Variants in CACNA1C observed in about 807,000 individuals in gnomAD.
CACNA1C encodes calcium voltage-gated channel subunit alpha1 C.
Under a neutral mutation model 229.0 loss-of-function variants are expected in CACNA1C, and 30 were observed. That is an observed-to-expected ratio of 0.13 (90% CI 0.10 to 0.18). The LOEUF (loss-of-function observed/expected upper bound fraction) is 0.18, where lower values mean the gene tolerates loss of function less well. Among genes scored for constraint, CACNA1C ranks in the 10% least tolerant of loss-of-function variants. The pLI is 1.00. For synonymous variants in CACNA1C, 1,114 were observed against 1,132.5 expected (o/e 0.98, Z 0.33); for missense variants, 1,658 against 2,845.0 (o/e 0.58, Z 9.49).
chr12:2,274,059 C>T (rs943531201), intron 3 of CACNA1C, among the ~76,000 whole-genome samples: 7 of 152,192 alleles, frequency 4.6e-5, no homozygotes, highest in African/African-American at 1.7e-4. Context: ...AAAGGTGGCC[C>T]TGGGTCGAAG....
intron 3 of CACNA1C, among the ~76,000 whole-genome samples, chr12:2,171,016 C>T (rs562407344): frequency 1.4e-4 from 21 of 152,312 alleles, no homozygotes; most frequent in Middle Eastern, 3.4e-3. Context: ...GGAGAGATGG[C>T]CTCAGAGCCT....
At chr12:2,535,704 T>TAAAAAAAAAAAAAA (rs758857733) in intron 9 of CACNA1C, among the ~76,000 whole-genome samples, 7 of 36,562 alleles carry the variant, frequency 1.9e-4, no homozygotes, top group East Asian at 2.7e-3. Context: ...AGACCCTGTC[T>TAAAAAAAAAAAAAA]AAAAAAAAAA....
chr12:2,091,328 G>T (rs1041591146), intron 1 of CACNA1C, among the ~76,000 whole-genome samples: 5 of 152,166 alleles, frequency 3.3e-5, no homozygotes, highest in Admixed American at 1.3e-4. Flanking sequence ...ATTTCTTCTT[G>T]CTTCAGTATT....
intron 7 of CACNA1C, among the ~76,000 whole-genome samples, chr12:2,499,546 T>C (rs1228072389): frequency 6.6e-6 from 1 of 152,066 alleles, no homozygotes; most frequent in Non-Finnish European, 1.5e-5. Context: ...AAATCTGGGG[T>C]TCCCTTCAAG....
At chr12:2,690,595 A>G (rs957100409) in intron 46 of CACNA1C, among the ~76,000 whole-genome samples, 2 of 152,320 alleles carry the variant, frequency 1.3e-5, no homozygotes, top group Non-Finnish European at 1.5e-5. Context: ...GGGCTTCCCA[A>G]AGTGCTGGGT....
chr12:2,172,977 G>T (rs1249552623), intron 3 of CACNA1C, among the ~76,000 whole-genome samples: 1 of 152,208 alleles, frequency 6.6e-6, no homozygotes, highest in Non-Finnish European at 1.5e-5. Flanking sequence ...AGTTCTGAAT[G>T]GCAGGGACGT....
intron 3 of CACNA1C, among the ~76,000 whole-genome samples, chr12:2,411,326 GC>G (rs1404743034): frequency 6.6e-6 from 1 of 152,170 alleles, no homozygotes; most frequent in Non-Finnish European, 1.5e-5. Flanking sequence ...CAGAGTCAGA[GC>G]CCTAGGACCT....
Position 2,697,202 on chromosome 12 carries a change from C to G in CACNA1C, c.*6003C>G, listed in dbSNP as rs949378607. 1 of 152,518 alleles carries G rather than the reference C, an allele frequency of 6.6e-6. No homozygotes were observed. The highest frequency in any genetic ancestry group is 1.5e-5 in the Non-Finnish European group (1 of 68,308). 9.4% of individuals were successfully genotyped at this position (152,518 alleles called of 1,614,324 possible). On this transcript the variant is annotated 3_prime_UTR_variant, in exon 47 of 47. Transcript: ENST00000399655. The stretch of plus-strand genomic sequence containing the variant: ...CTGAAATCCATCTCTTGAATCCCAG[C>G]CAGGTTATATACCACCCCATTGCCA...
At chr12:2,274,670 C>A (rs527401889) in intron 3 of CACNA1C, among the ~76,000 whole-genome samples, 1 of 152,318 alleles carries the variant, frequency 6.6e-6, no homozygotes, top group East Asian at 1.9e-4. Context: ...CTGGAACTCA[C>A]GTAGTTTGCC....
rs559957781 is a variant in CACNA1C at position 2,167,003 on chromosome 12, A to T, written c.477+46573A>T. Among the ~76,000 whole-genome samples the T allele has an allele frequency of 1.4e-4, 21 of 152,336 alleles. No homozygotes were observed. The South Asian group carries it at 4.3e-3, about 32-fold the overall frequency. ...AATGTGAGCAAGGTAGAAAAGGGCGACCCATGAGTCAACAATACTCAAGCT... is the reference window on the plus strand; with the variant it reads ...AATGTGAGCAAGGTAGAAAAGGGCGTCCCATGAGTCAACAATACTCAAGCT... On this transcript the variant is annotated intron_variant, in intron 3 of 46. Transcript: ENST00000399655.
At chr12:2,293,745 T>G (rs1246455750) in intron 3 of CACNA1C, among the ~76,000 whole-genome samples, 1 of 152,230 alleles carries the variant, frequency 6.6e-6, no homozygotes, top group East Asian at 1.9e-4. Context: ...TTTTCATATG[T>G]ATGTACTTCA....
chr12:2,563,179 G>T (rs898154556), intron 11 of CACNA1C, among the ~76,000 whole-genome samples: 1 of 152,158 alleles, frequency 6.6e-6, no homozygotes, highest in Admixed American at 6.5e-5. Flanking sequence ...ATGGCCTCCA[G>T]TTCCATCCAT....
At chr12:2,447,475 G>A (rs1289436434) in intron 3 of CACNA1C, among the ~76,000 whole-genome samples, 3 of 152,148 alleles carry the variant, frequency 2.0e-5, no homozygotes, top group Non-Finnish European at 2.9e-5. Context: ...AATTGTCTAC[G>A]ATGCACATTT....
intron 1 of CACNA1C, among the ~76,000 whole-genome samples, chr12:2,082,250 C>T (rs976787431): frequency 6.6e-6 from 1 of 152,190 alleles, no homozygotes; most frequent in Non-Finnish European, 1.5e-5. Flanking sequence ...GTGTCTGCCC[C>T]TCACTGTTTC....
chr12:2,665,820 C>A lies in CACNA1C; in HGVS notation c.4526+112C>A. The A allele has an allele frequency of 9.3e-7, 1 of 1,078,926 alleles. No individual in the cohort carries two copies. The highest frequency in any genetic ancestry group is 1.3e-6 in the Non-Finnish European group (1 of 765,066). 66.8% of individuals were successfully genotyped at this position (1,078,926 alleles called of 1,614,324 possible). A position where few individuals can be genotyped will look rare whatever the true frequency, so the allele number is the denominator to read the frequency against. The stretch of plus-strand genomic sequence containing the variant: ...ACACTGGGTGGATCAATTAGAAACA[C>A]TGGATTGTATCACACCCTAGGGTGA... On this transcript the variant is annotated intron_variant, in intron 36 of 46. Coordinates refer to ENST00000399655, the MANE Select transcript of CACNA1C (RefSeq NM_000719.7). The surrounding 1 kb of genome is among the most constrained non-coding windows in gnomAD (Gnocchi z 5.9).
In CACNA1C at chr12:2,658,644, C is replaced by T. The variant is rs887620680; in HGVS notation, c.4232+3406C>T. On this transcript the variant is annotated intron_variant, in intron 34 of 46. Coordinates refer to ENST00000399655, the MANE Select transcript of CACNA1C (RefSeq NM_000719.7). Reference sequence around the variant, plus strand: ...TCTACTTATTTTTTTTTAAGTTAACCGTAAAACAGCCTTAGGCAGGTCCTG... The same window carrying T: ...TCTACTTATTTTTTTTTAAGTTAACTGTAAAACAGCCTTAGGCAGGTCCTG... Among the ~76,000 whole-genome samples the T allele has an allele frequency of 3.3e-5, 5 of 151,674 alleles. No individual in the cohort carries two copies. In the East Asian group the frequency reaches 9.7e-4, roughly 29 times the overall value.
chr12:2,385,205 A>G (rs2098351507), intron 3 of CACNA1C, among the ~76,000 whole-genome samples: 1 of 152,178 alleles, frequency 6.6e-6, no homozygotes, highest in South Asian at 2.1e-4. Flanking sequence ...CAGAGTCTCC[A>G]TGCTGGAAGA....
chr12:2,173,352 G>A (rs188848484), intron 3 of CACNA1C, among the ~76,000 whole-genome samples: 119 of 152,294 alleles, frequency 7.8e-4, no homozygotes, highest in African/African-American at 2.8e-3. Context: ...TATTCAACGG[G>A]TATTAATTGG....
chr12:2,671,097 C>T (rs1369404659), intron 38 of CACNA1C, among the ~76,000 whole-genome samples: 2 of 151,766 alleles, frequency 1.3e-5, no homozygotes, highest in African/African-American at 4.8e-5. Flanking sequence ...CTGCTGCAAC[C>T]TCTGACTCCC....
Sources: allele counts gnomAD v4.1 joint callset (sites outside exome capture counted in the v4.1 genomes callset), GRCh38; gene constraint gnomAD v4.1.1; non-coding constraint Gnocchi (gnomAD v3.1); transcripts MANE v1.5; gene names NCBI Gene and HGNC (gene_info 2026-07-23, HGNC 2026-07-21).